HIVEP2: variants seen among roughly 807,000 people sequenced by gnomAD.
HIVEP2 encodes the protein HIVEP zinc finger 2, also known as transcription factor HIVEP2.
A neutral mutation model predicts 180.7 loss-of-function variants in HIVEP2; 14 were observed. The observed-to-expected ratio is 0.08, with a 90% CI of 0.05 to 0.12. The LOEUF is 0.12. Ranked by LOEUF, HIVEP2 falls within the 10% of genes least tolerant of loss-of-function variation. The pLI is 1.00. For synonymous variants in HIVEP2, 1,184 were observed against 1,136.4 expected (o/e 1.04, Z -0.84); for missense variants, 2,579 against 3,008.5 (o/e 0.86, Z 3.34).
chr6:142,819,367 A>G (rs1268434244), intron 2 of HIVEP2, among the ~76,000 whole-genome samples: 1 of 152,236 alleles, frequency 6.6e-6, no homozygotes, highest in East Asian at 1.9e-4. Context: ...AGGAGCTTTT[A>G]TGAATCTTAA....
At chr6:142,871,751 A>G (rs1037130438) in intron 1 of HIVEP2, among the ~76,000 whole-genome samples, 3 of 152,094 alleles carry the variant, frequency 2.0e-5, no homozygotes, top group Non-Finnish European at 4.4e-5. Flanking sequence ...ATAATGACTT[A>G]GTTTGCCTAT....
chr6:142,879,934 A>G (rs1582936460), intron 1 of HIVEP2, among the ~76,000 whole-genome samples: 1 of 152,246 alleles, frequency 6.6e-6, no homozygotes, highest in East Asian at 1.9e-4. Flanking sequence ...GACCAAGACT[A>G]TGTCTTGTTC....
chr6:142,814,431 A>G (rs939714213), intron 2 of HIVEP2, among the ~76,000 whole-genome samples: 1 of 152,198 alleles, frequency 6.6e-6, no homozygotes, highest in African/African-American at 2.4e-5. Flanking sequence ...TCGGGCAAGG[A>G]CATCAGTCAA....
intron 2 of HIVEP2, among the ~76,000 whole-genome samples, chr6:142,785,777 A>G (rs771263909): frequency 1.3e-5 from 2 of 152,092 alleles, no homozygotes; most frequent in African/African-American, 2.4e-5. Flanking sequence ...CCCCCTTTTT[A>G]CCCGGTAAGA....
rs377264269 is a variant in HIVEP2 at position 142,891,905 on chromosome 6, G to C, written c.-641+53194C>G. 1.3e-3 allele frequency among the ~76,000 whole-genome samples: 197 copies of C among 152,294 alleles called. 1 individual carries two copies. In the South Asian group the frequency reaches 0.039, roughly 30 times the overall value. On this transcript the variant is annotated intron_variant, in intron 1 of 9. Transcript: ENST00000367603. ...CTTCATTAAGGAGTTCATTCTGTTT[G>C]TTTGTTTATCTTTATAGAGCCTTAG...
chr6:142,755,624 G>A (rs1775045332), intron 9 of HIVEP2, among the ~76,000 whole-genome samples: 1 of 152,216 alleles, frequency 6.6e-6, no homozygotes, highest in African/African-American at 2.4e-5. Flanking sequence ...GTCAGAGAGA[G>A]AGAGAGATGT....
intron 2 of HIVEP2, among the ~76,000 whole-genome samples, chr6:142,808,599 G>A (rs1776611379): frequency 6.7e-6 from 1 of 150,372 alleles, no homozygotes; most frequent in African/African-American, 2.5e-5. Context: ...GATAGATGGA[G>A]GGATGGACAG....
chr6:142,830,592 G>A (rs142483787), intron 2 of HIVEP2, among the ~76,000 whole-genome samples: 12 of 152,204 alleles, frequency 7.9e-5, no homozygotes, highest in Admixed American at 7.2e-4. Context: ...AAAAGAGGAA[G>A]ATGATGAAGT....
chr6:142,860,856 G>A (rs1775960477), intron 1 of HIVEP2, among the ~76,000 whole-genome samples: 1 of 152,176 alleles, frequency 6.6e-6, no homozygotes, highest in South Asian at 2.1e-4. Flanking sequence ...AAATTTTGTA[G>A]TAGCTTTATT....
intron 1 of HIVEP2, among the ~76,000 whole-genome samples, chr6:142,867,694 G>T (rs1371133619): frequency 6.6e-6 from 1 of 152,164 alleles, no homozygotes; most frequent in Non-Finnish European, 1.5e-5. Flanking sequence ...CAAAAAAACA[G>T]GATATGTGCT....
chr6:142,896,381 C>G (rs1776993759), intron 1 of HIVEP2, among the ~76,000 whole-genome samples: 1 of 152,128 alleles, frequency 6.6e-6, no homozygotes, highest in Non-Finnish European at 1.5e-5. Flanking sequence ...CATCTGATAC[C>G]TTGTCCTTCA....
intron 3 of HIVEP2, among the ~76,000 whole-genome samples, chr6:142,778,651 T>C (rs1775765426): frequency 6.6e-6 from 1 of 152,182 alleles, no homozygotes; most frequent in Admixed American, 6.5e-5. Context: ...TACATTGTCT[T>C]ATTTTATCTT....
At chr6:142,899,879 C>T (rs1000724677) in intron 1 of HIVEP2, among the ~76,000 whole-genome samples, 1 of 152,116 alleles carries the variant, frequency 6.6e-6, no homozygotes, top group African/African-American at 2.4e-5. Context: ...TTTCCTGGAT[C>T]CCTAGTCTCT....
At chr6:142,850,304 T>C (rs1263854577) in intron 1 of HIVEP2, among the ~76,000 whole-genome samples, 1 of 152,190 alleles carries the variant, frequency 6.6e-6, no homozygotes, top group African/African-American at 2.4e-5. Flanking sequence ...GGAGAGATAA[T>C]TATGACTTGA....
At chr6:142,844,296 T>G (rs1775451186) in intron 1 of HIVEP2, among the ~76,000 whole-genome samples, 1 of 152,106 alleles carries the variant, frequency 6.6e-6, no homozygotes, top group Admixed American at 6.5e-5. Flanking sequence ...CTCTAAACTT[T>G]TTTTTTTTAA....
intron 1 of HIVEP2, among the ~76,000 whole-genome samples, chr6:142,871,479 T>C (rs1776287761): frequency 6.6e-6 from 1 of 152,146 alleles, no homozygotes; most frequent in South Asian, 2.1e-4. Flanking sequence ...TGAAATATTT[T>C]CCTTTTATGC....
chr6:142,843,316 T>C (rs1185248366), intron 1 of HIVEP2, among the ~76,000 whole-genome samples: 1 of 151,834 alleles, frequency 6.6e-6, no homozygotes, highest in East Asian at 1.9e-4. Context: ...CCTGTGCCAG[T>C]TGTTATAATA....
At chr6:142,787,467 T>C (rs1776030355) in intron 2 of HIVEP2, among the ~76,000 whole-genome samples, 1 of 150,616 alleles carries the variant, frequency 6.6e-6, no homozygotes, top group Non-Finnish European at 1.5e-5. Context: ...TCAAAAGTAG[T>C]GACTAAAGAT....
At chr6:142,887,416 A>G (rs969013131) in intron 1 of HIVEP2, among the ~76,000 whole-genome samples, 2 of 152,220 alleles carry the variant, frequency 1.3e-5, no homozygotes, top group African/African-American at 4.8e-5. Flanking sequence ...TGAAATGATC[A>G]TGTTTCACCC....
Sources: gnomAD v4.1 joint callset for allele counts (sites outside exome capture counted in the v4.1 genomes callset) on GRCh38, gnomAD v4.1.1 for gene constraint, MANE v1.5 for transcripts, NCBI Gene and HGNC (gene_info 2026-07-23, HGNC 2026-07-21) for gene names.